The following SCP2 variants were observed in gnomAD, a reference collection of about 807,000 sequenced individuals.
The protein encoded by SCP2 is sterol carrier protein 2, also known as SCP-2/3-oxoacyl-CoA thiolase.
A neutral mutation model predicts 71.4 loss-of-function variants in SCP2; 48 were observed. That is an observed-to-expected ratio of 0.67 (90% CI 0.53 to 0.86). The LOEUF (loss-of-function observed/expected upper bound fraction) is 0.86. Ranked by LOEUF, SCP2 falls within the 40% of genes least tolerant of loss-of-function variation. The pLI, the probability that SCP2 is intolerant of heterozygous loss-of-function variation, is 0.00. For missense variants in SCP2, 560 were observed against 655.6 expected (o/e 0.85, Z 1.59); for synonymous variants, 220 against 218.1 (o/e 1.01, Z -0.08).
At position 52,961,683 on chromosome 1, in the gene SCP2, G is replaced by A. The variant is rs542668004; in HGVS notation, c.523+54G>A. ...TTCTTACTAGTTATATACATGAGAT[G>A]AGAAATGACAGTTATTTATTAAGGA... On this transcript the variant is annotated intron_variant, in intron 6 of 15. Transcript: ENST00000371514. The A allele has an allele frequency of 6.8e-6, 10 of 1,472,468 alleles. No individual in the cohort carries two copies. In the East Asian group the frequency reaches 1.1e-4, roughly 17 times the overall value. The allele number at this position is 1,472,468 out of a possible 1,614,324, so 91.2% of individuals were successfully genotyped here. A position where few individuals can be genotyped will look rare whatever the true frequency, so the allele number is the denominator to read the frequency against.
chr1:52,966,718 TACTAAAGATACAAA>T (rs1333763998), intron 6 of SCP2, among the ~76,000 whole-genome samples: 1 of 147,322 alleles, frequency 6.8e-6, no homozygotes, highest in East Asian at 2.0e-4. Context: ...ACCCCATTTC[TACTAAAGATACAAA>T]AAAAAAAAAA....
intron 12 of SCP2, among the ~76,000 whole-genome samples, chr1:53,024,381 G>A (rs1221733793): frequency 1.3e-5 from 2 of 152,002 alleles, no homozygotes; most frequent in East Asian, 1.9e-4. Flanking sequence ...GAGATGAAAG[G>A]TGATGATGGT....
At chr1:52,940,805 C>G (rs1283503967) in intron 1 of SCP2, among the ~76,000 whole-genome samples, 1 of 152,136 alleles carries the variant, frequency 6.6e-6, no homozygotes, top group Admixed American at 6.5e-5. Flanking sequence ...GGCTGGAGTG[C>G]AGTGGCACTA....
chr1:53,000,428 G>T (rs1312040921), intron 11 of SCP2, among the ~76,000 whole-genome samples: 1 of 152,102 alleles, frequency 6.6e-6, no homozygotes, highest in Admixed American at 6.5e-5. Context: ...CTAGAAGTGG[G>T]TTTTTTTAGT....
At chr1:52,931,053 T>C (rs1371738770) in intron 1 of SCP2, among the ~76,000 whole-genome samples, 1 of 152,180 alleles carries the variant, frequency 6.6e-6, no homozygotes, top group Non-Finnish European at 1.5e-5. Context: ...GCAGATTGAG[T>C]ACATGAATTT....
intron 12 of SCP2, among the ~76,000 whole-genome samples, chr1:53,026,164 G>C (rs1047288618): frequency 1.3e-5 from 2 of 152,038 alleles, no homozygotes; most frequent in Non-Finnish European, 2.9e-5. Flanking sequence ...CAGGGTACAA[G>C]TACTAATTTA....
chr1:53,000,949 TG>T (rs1660277503), intron 11 of SCP2, among the ~76,000 whole-genome samples: 1 of 152,014 alleles, frequency 6.6e-6, no homozygotes, highest in Non-Finnish European at 1.5e-5. Flanking sequence ...AGCCAGACTT[TG>T]TCTCCAAAAA....
At chr1:52,950,450 G>A (rs375791513) in intron 3 of SCP2, among the ~76,000 whole-genome samples, 1 of 152,100 alleles carries the variant, frequency 6.6e-6, no homozygotes, top group African/African-American at 2.4e-5. Flanking sequence ...TGACATTTAG[G>A]TGTTAATGAA....
At position 53,028,055 on chromosome 1, in the gene SCP2, A is replaced by G. The variant is rs1413159833; in HGVS notation, c.1322A>G (p.Glu441Gly). ...GCAAATCTTGTTTTTAAGGAGATTG[A>G]GAAGAAACTTGAAGAGGTAAGATTT... ...FKANLVFKEI[E>G]KKLEEEGEQF... is the part of the protein sequence containing the mutation. The change falls in exon 13 of 16, where the codon GAG (glutamate) becomes GGG (glycine). Residue 441 changes from glutamate (E) to glycine (G), a missense_variant. Glu to Gly is a moderately conservative substitution (Grantham distance 98, BLOSUM62 -2). Around this residue, in one of 3 missense-constraint regions of SCP2, gnomAD observed 513 missense variants for 573.1 expected, o/e 0.90. Coordinates refer to ENST00000371514, the MANE Select transcript of SCP2 (RefSeq NM_002979.5). 1.3e-6 allele frequency: 2 copies of G among 1,593,696 alleles called. No individual in the cohort carries two copies. Among genetic ancestry groups the G allele is most frequent in the African/African-American group, 2.7e-5 (2 of 74,512 alleles).
chr1:52,970,968 ATTTTTT>A (rs1200663958), intron 6 of SCP2, among the ~76,000 whole-genome samples: 1 of 70,976 alleles, frequency 1.4e-5, no homozygotes, highest in South Asian at 4.7e-4. Context: ...AGAGACACAG[ATTTTTT>A]TTTTTTTTTT....
At chr1:52,939,261 G>A (rs535100258) in intron 1 of SCP2, among the ~76,000 whole-genome samples, 9 of 152,256 alleles carry the variant, frequency 5.9e-5, no homozygotes, top group African/African-American at 2.2e-4. Context: ...AAACATCTGT[G>A]TGGTTCCATC....
chr1:52,999,977 C>T (rs1261355701), intron 11 of SCP2, among the ~76,000 whole-genome samples: 4 of 151,950 alleles, frequency 2.6e-5, no homozygotes, highest in East Asian at 1.9e-4. Context: ...TCACCATGCC[C>T]GGCTAATTTT....
At chr1:53,006,549 A>G (rs2150217138) in intron 11 of SCP2, among the ~76,000 whole-genome samples, 1 of 152,326 alleles carries the variant, frequency 6.6e-6, no homozygotes, top group East Asian at 1.9e-4. Flanking sequence ...AGTGAAGGAG[A>G]AATAAAATCC....
chr1:53,031,685 C>A (rs1047580177), intron 13 of SCP2, among the ~76,000 whole-genome samples: 1 of 152,214 alleles, frequency 6.6e-6, no homozygotes, highest in Non-Finnish European at 1.5e-5. Flanking sequence ...CCTTTAAACT[C>A]TTTCTCCTCA....
At chr1:52,972,507 C>T (rs1002757836) in intron 6 of SCP2, among the ~76,000 whole-genome samples, 3 of 152,166 alleles carry the variant, frequency 2.0e-5, no homozygotes, top group Admixed American at 2.0e-4. Flanking sequence ...ACTGTTTTAG[C>T]CACCCTTCTT....
intron 13 of SCP2, among the ~76,000 whole-genome samples, chr1:53,029,525 C>CTGGAATAAA (rs1302888248): frequency 6.6e-6 from 1 of 152,176 alleles, no homozygotes; most frequent in Non-Finnish European, 1.5e-5. Context: ...TCAAAGTGGG[C>CTGGAATAAA]TGGAATAAAT....
At chr1:53,019,033 CTAA>C (rs1255873652) in intron 12 of SCP2, among the ~76,000 whole-genome samples, 2 of 152,096 alleles carry the variant, frequency 1.3e-5, no homozygotes, top group African/African-American at 4.8e-5. Flanking sequence ...TTGCAATTGC[CTAA>C]TGTTTCCCCA....
At chr1:53,025,632 T>C (rs1662075660) in intron 12 of SCP2, among the ~76,000 whole-genome samples, 1 of 152,180 alleles carries the variant, frequency 6.6e-6, no homozygotes, top group African/African-American at 2.4e-5. Flanking sequence ...GCAAGGCTTG[T>C]GGATTCTATT....
intron 11 of SCP2, chr1:52,994,860 C>CTG: frequency 5.9e-6 from 3 of 509,422 alleles, no homozygotes; most frequent in South Asian, 4.9e-5. Flanking sequence ...TGCAGCTGGA[C>CTG]TGTGTCTCCA....
Sources: allele counts gnomAD v4.1 joint callset (sites outside exome capture counted in the v4.1 genomes callset), GRCh38; gene constraint gnomAD v4.1.1; regional missense constraint gnomAD v4.1.1; transcripts MANE v1.5; gene names NCBI Gene and HGNC (gene_info 2026-07-23, HGNC 2026-07-21).